SULF1: variants seen among roughly 807,000 people sequenced by gnomAD.
The protein encoded by SULF1 is extracellular sulfatase Sulf-1.
Under a neutral mutation model 110.5 loss-of-function variants are expected in SULF1, and 46 were observed. That is an observed-to-expected ratio of 0.42 (90% CI 0.33 to 0.53). SULF1 has a LOEUF of 0.53. Ranked by LOEUF, SULF1 falls within the 20% of genes least tolerant of loss-of-function variation. The pLI is 0.12. For synonymous variants in SULF1, 371 were observed against 387.1 expected (o/e 0.96, Z 0.49); for missense variants, 941 against 1,094.2 (o/e 0.86, Z 1.98).
At chr8:69,492,600 G>A (rs1416246054), upstream of SULF1, among the ~76,000 whole-genome samples, 4 of 152,164 alleles carry the variant, frequency 2.6e-5, no homozygotes, top group African/African-American at 9.7e-5. Context: ...CCTGCCCGCC[G>A]CCGTCCAAGC....
chr8:69,489,933 T>C (rs1439213982), upstream of SULF1, among the ~76,000 whole-genome samples: 1 of 151,950 alleles, frequency 6.6e-6, no homozygotes, highest in Non-Finnish European at 1.5e-5. Flanking sequence ...TTAACAAATG[T>C]CCTTTATATA....
At chr8:69,545,875 A>C (rs2150679889) in intron 3 of SULF1, among the ~76,000 whole-genome samples, 1 of 152,220 alleles carries the variant, frequency 6.6e-6, no homozygotes, top group Middle Eastern at 3.4e-3. Context: ...TGGTCTTTTT[A>C]GTAGAGACAG....
intron 8 of SULF1, among the ~76,000 whole-genome samples, chr8:69,595,362 T>C (rs1301372147): frequency 6.6e-6 from 1 of 152,244 alleles, no homozygotes; most frequent in Non-Finnish European, 1.5e-5. Context: ...ATTTGCACAA[T>C]TCTAACTGGT....
chr8:69,479,439 A>C (rs559398180), intron 1 of SULF1, among the ~76,000 whole-genome samples: 1 of 152,282 alleles, frequency 6.6e-6, no homozygotes, highest in African/African-American at 2.4e-5. Context: ...GGATTGTAAA[A>C]ATTTTGTCTA....
rs147909650 is a variant in SULF1, at chr8:69,576,168, G to A, written c.371G>A (p.Arg124Gln). 8.1e-6 allele frequency: 13 copies of A among 1,614,114 alleles called. No homozygotes were observed. The highest frequency in any genetic ancestry group is 3.3e-5 in the Admixed American group (2 of 60,012). The change falls in exon 6 of 23, where the codon CGG becomes CAG. Residue 124 changes from arginine (R) to glutamine (Q), a missense_variant. Physicochemically the swap from Arg to Gln is conservative, Grantham distance 43. Coordinates refer to ENST00000402687, the MANE Select transcript of SULF1 (RefSeq NM_001128205.2). ...TCGTGGCAGGCCATGCATGAGCCTC[G>A]GACTTTTGCTGTATATCTTAACAAC... ...SPSWQAMHEPRTFAVYLNNTG... is the reference protein window; with the variant it reads ...SPSWQAMHEPQTFAVYLNNTG...
chr8:69,483,039 G>A (rs985541241), intron 1 of SULF1, among the ~76,000 whole-genome samples: 3 of 152,142 alleles, frequency 2.0e-5, no homozygotes, highest in Non-Finnish European at 2.9e-5. Flanking sequence ...GGTATTATAA[G>A]TAATCTAGAG....
chr8:69,576,759 T>C (rs937269459), intron 6 of SULF1, among the ~76,000 whole-genome samples: 3 of 152,244 alleles, frequency 2.0e-5, no homozygotes, highest in African/African-American at 7.2e-5. Flanking sequence ...CTTGGGTTTT[T>C]TGTAGCATTT....
chr8:69,484,475 C>G (rs1223203731), intron 1 of SULF1, among the ~76,000 whole-genome samples: 1 of 152,180 alleles, frequency 6.6e-6, no homozygotes, highest in Admixed American at 6.5e-5. Flanking sequence ...TTCACCAAAT[C>G]TCAACTTTAT....
intron 3 of SULF1, among the ~76,000 whole-genome samples, chr8:69,553,801 A>G (rs1196132672): frequency 1.3e-5 from 2 of 152,228 alleles, no homozygotes; most frequent in East Asian, 3.8e-4. Flanking sequence ...TCCTTAATTA[A>G]TAAACATCAT....
At chr8:69,561,847 T>G (rs747465811) in intron 3 of SULF1, among the ~76,000 whole-genome samples, 1 of 152,380 alleles carries the variant, frequency 6.6e-6, no homozygotes, top group South Asian at 2.1e-4. Flanking sequence ...TTTATTACTT[T>G]AGTTTTCCTG....
intron 18 of SULF1, among the ~76,000 whole-genome samples, chr8:69,628,735 A>G (rs1810292371): frequency 6.6e-6 from 1 of 152,244 alleles, no homozygotes; most frequent in Admixed American, 6.5e-5. Flanking sequence ...ATAATAAAAA[A>G]TAATTCTAAA....
At chr8:69,629,446 A>G (rs912214367) in intron 18 of SULF1, 58 bp from the exon 19 acceptor site, 20 of 1,528,078 alleles carry the variant, frequency 1.3e-5, no homozygotes, top group Non-Finnish European at 9.7e-6. Context: ...CAACAAGCCT[A>G]TTTGTAATTG....
chr8:69,488,929 A>G (rs1809806277), upstream of SULF1, among the ~76,000 whole-genome samples: 1 of 152,084 alleles, frequency 6.6e-6, no homozygotes, highest in South Asian at 2.1e-4. Context: ...GCTTGTTTGA[A>G]TAATTGTGTG....
At chr8:69,627,995 A>G (rs894349621) in intron 17 of SULF1, 129 bp downstream of exon 17, 9 of 896,414 alleles carry the variant, frequency 1.0e-5, no homozygotes, top group Admixed American at 2.3e-5. Context: ...AACCTAAGCT[A>G]TTTAAGTAAA....
chr8:69,525,472 T>G (rs558615685), intron 3 of SULF1, among the ~76,000 whole-genome samples: 1 of 152,240 alleles, frequency 6.6e-6, no homozygotes, highest in South Asian at 2.1e-4. Context: ...ATTTTACAAA[T>G]CAGTAAACCA....
At chr8:69,639,727 A>C (rs567391927) in intron 21 of SULF1, among the ~76,000 whole-genome samples, 36 of 152,080 alleles carry the variant, frequency 2.4e-4, no homozygotes, top group Admixed American at 1.1e-3. Flanking sequence ...TTTCTCTGTG[A>C]GTCTGGTGCA....
intron 13 of SULF1, 42 bp downstream of exon 13, chr8:69,604,974 T>C: frequency 6.3e-7 from 1 of 1,599,834 alleles, no homozygotes; most frequent in Non-Finnish European, 8.5e-7. Flanking sequence ...CATGTGCTTC[T>C]CCATCTCTAA....
In SULF1 at chr8:69,567,477, A is replaced by G. The variant is rs544631980; in HGVS notation, c.172+3330A>G. ...ACAAAAGTAAAACCCTATACCCATT[A>G]AACAGCAACTCCCGTTTCTCTCTCC... On this transcript the variant is annotated intron_variant, in intron 5 of 22. Coordinates refer to ENST00000402687, the MANE Select transcript of SULF1 (RefSeq NM_001128205.2). Among the ~76,000 whole-genome samples, 3 of 152,260 alleles carry G rather than the reference A, an allele frequency of 2.0e-5. No homozygotes were observed. In the South Asian group the frequency reaches 6.2e-4, roughly 32 times the overall value.
Position 69,655,208 on chromosome 8 carries a change from A to T in SULF1, c.2586-3297A>T, listed in dbSNP as rs1002383667. ...TGCCTACCCCAGGGGAATCTGCCCC[A>T]TAGCCATCTGCAGTCTCTGACTCTC... is the stretch of plus-strand genomic sequence containing the variant. On this transcript the variant is annotated intron_variant, in intron 22 of 22. Coordinates refer to ENST00000402687, the MANE Select transcript of SULF1 (RefSeq NM_001128205.2). Among the ~76,000 whole-genome samples the T allele has an allele frequency of 2.0e-5, 3 of 152,298 alleles. No homozygotes were observed. In the East Asian group the frequency reaches 5.8e-4, roughly 29 times the overall value.
Sources: gnomAD v4.1 joint callset for allele counts (sites outside exome capture counted in the v4.1 genomes callset) on GRCh38, gnomAD v4.1.1 for gene constraint, MANE v1.5 for transcripts, NCBI Gene and HGNC (gene_info 2026-07-23, HGNC 2026-07-21) for gene names.